The following KLF8 variants were observed in gnomAD, a reference collection of about 807,000 sequenced individuals.
KLF8 encodes the protein KLF transcription factor 8.
KLF8 carries 10 observed loss-of-function variants against 18.2 expected under a neutral mutation model. The observed-to-expected ratio is 0.55, with a 90% CI of 0.34 to 0.93. KLF8 has a LOEUF of 0.93. Among genes scored for constraint, KLF8 ranks in the 40% least tolerant of loss-of-function variants. The pLI, the probability that KLF8 is intolerant of heterozygous loss-of-function variation, is 0.02. For synonymous variants in KLF8, 109 were observed against 97.3 expected (o/e 1.12, Z -0.71); for missense variants, 264 against 277.9 (o/e 0.95, Z 0.36).
chrX:56,142,460 A>G, the KLF8 span, among the ~76,000 whole-genome samples: 1 of 111,345 alleles, frequency 9.0e-6, no homozygotes, highest in African/African-American at 3.3e-5. Context: ...TGATACAAGG[A>G]TCAATCTTCG....
the KLF8 span, among the ~76,000 whole-genome samples, chrX:56,104,420 A>T: frequency 9.0e-6 from 1 of 111,564 alleles, no homozygotes; most frequent in East Asian, 2.8e-4. Flanking sequence ...TCAGAGATTC[A>T]GCTTCTTCCT....
At position 56,288,065 on chromosome X, in the gene KLF8, G is replaced by A. The variant is rs543154145; in HGVS notation, c.*3571G>A. On this transcript the variant is annotated 3_prime_UTR_variant, in exon 6 of 6. Coordinates refer to ENST00000468660, the MANE Select transcript of KLF8 (RefSeq NM_007250.5). ...AACCTGGACAACATGGTGAAACCAC[G>A]TCTCTATTAAAAATACAAAAAATTA... Among the ~76,000 whole-genome samples the A allele has an allele frequency of 9.1e-6, 1 of 110,370 alleles. No individual in the cohort carries two copies. The highest frequency in any genetic ancestry group is 3.8e-4 in the South Asian group (1 of 2,599).
At chrX:56,036,977 A>G in the KLF8 span, among the ~76,000 whole-genome samples, 2 of 111,883 alleles carry the variant, frequency 1.8e-5, no homozygotes, top group African/African-American at 6.5e-5. Flanking sequence ...TTGTTCCTGT[A>G]TAGCAACACT....
chrX:56,224,658 CTT>C, the KLF8 span, among the ~76,000 whole-genome samples: 1 of 111,931 alleles, frequency 8.9e-6, no homozygotes, highest in Non-Finnish European at 1.9e-5. Context: ...TGTTTTTACA[CTT>C]AATATTATTA....
At chrX:55,946,708 A>G in the KLF8 span, among the ~76,000 whole-genome samples, 1 of 111,442 alleles carries the variant, frequency 9.0e-6, no homozygotes, top group Non-Finnish European at 1.9e-5. Context: ...CAACCTACAA[A>G]ATGGGAGAAA....
chrX:56,163,183 A>G, the KLF8 span, among the ~76,000 whole-genome samples: 1 of 111,933 alleles, frequency 8.9e-6, no homozygotes, highest in African/African-American at 3.2e-5. Context: ...ATCTTCCACA[A>G]TGCTTCAACT....
chrX:56,009,287 C>A, the KLF8 span, among the ~76,000 whole-genome samples: 1 of 111,464 alleles, frequency 9.0e-6, no homozygotes, highest in Admixed American at 9.5e-5. Flanking sequence ...ATGACACCTC[C>A]AGGTGTGGGA....
the KLF8 span, among the ~76,000 whole-genome samples, chrX:56,164,102 A>ATTTTTTAT: frequency 5.5e-5 from 6 of 109,613 alleles, no homozygotes; most frequent in Non-Finnish European, 1.1e-4. Context: ...TATGAATTTT[A>ATTTTTTAT]TTTTTTATTT....
chrX:56,133,741 G>T, the KLF8 span, among the ~76,000 whole-genome samples: 2 of 111,313 alleles, frequency 1.8e-5, no homozygotes, highest in Non-Finnish European at 3.8e-5. Flanking sequence ...GTTTTCTGAT[G>T]ATATGATTGT....
the KLF8 span, among the ~76,000 whole-genome samples, chrX:56,078,340 T>G: frequency 8.9e-6 from 1 of 112,316 alleles, no homozygotes; most frequent in Non-Finnish European, 1.9e-5. Context: ...TATTGAGAGT[T>G]TTTAGCATGA....
At chrX:56,190,807 A>T in the KLF8 span, among the ~76,000 whole-genome samples, 1 of 111,688 alleles carries the variant, frequency 9.0e-6, no homozygotes, top group African/African-American at 3.2e-5. Context: ...CCTATGGGAT[A>T]CAGCAAAACC....
At chrX:56,090,637 T>G in the KLF8 span, among the ~76,000 whole-genome samples, 1 of 111,695 alleles carries the variant, frequency 9.0e-6, no homozygotes, top group Admixed American at 9.5e-5. Context: ...TCTATTCATG[T>G]TTTTGGCTCA....
At chrX:56,120,981 T>C in the KLF8 span, among the ~76,000 whole-genome samples, 4 of 109,853 alleles carry the variant, frequency 3.6e-5, no homozygotes, top group East Asian at 1.2e-3. Context: ...GGTCAGGAGA[T>C]TGAGACCATC....
chrX:56,157,364 C>A, the KLF8 span, among the ~76,000 whole-genome samples: 2 of 109,456 alleles, frequency 1.8e-5, no homozygotes, highest in Admixed American at 9.8e-5. Context: ...TGTACATGTA[C>A]CCTAGAACTT....
the KLF8 span, among the ~76,000 whole-genome samples, chrX:55,920,140 G>T: frequency 9.0e-6 from 1 of 111,624 alleles, no homozygotes; most frequent in African/African-American, 3.3e-5. Context: ...TAGCTCCCCC[G>T]GGTGGCTAGA....
chrX:56,051,857 A>T, the KLF8 span, among the ~76,000 whole-genome samples: 1 of 108,612 alleles, frequency 9.2e-6, no homozygotes, highest in Non-Finnish European at 1.9e-5. Context: ...AATACCCTGC[A>T]GAGTGTTTTC....
the KLF8 span, among the ~76,000 whole-genome samples, chrX:56,188,814 C>T: frequency 8.9e-6 from 1 of 111,896 alleles, no homozygotes; most frequent in Admixed American, 9.5e-5. Flanking sequence ...ACTGGCCAGC[C>T]ATATGTAGAA....
the KLF8 span, among the ~76,000 whole-genome samples, chrX:56,175,790 G>A: frequency 1.8e-5 from 2 of 111,324 alleles, no homozygotes; most frequent in Non-Finnish European, 3.8e-5. Flanking sequence ...TCCTGTATTG[G>A]GTGCATATAT....
At chrX:56,226,794 T>C in the KLF8 span, among the ~76,000 whole-genome samples, 3 of 112,052 alleles carry the variant, frequency 2.7e-5, no homozygotes, top group African/African-American at 9.7e-5. Flanking sequence ...TCACTACTGC[T>C]AATCTGCCTG....
Sources: gnomAD v4.1 joint callset for allele counts (sites outside exome capture counted in the v4.1 genomes callset) on GRCh38, gnomAD v4.1.1 for gene constraint, MANE v1.5 for transcripts, NCBI Gene and HGNC (gene_info 2026-07-23, HGNC 2026-07-21) for gene names.